Variants in POLG observed in about 807,000 individuals in gnomAD.
The protein encoded by POLG is DNA polymerase gamma, catalytic subunit.
In POLG, 110 loss-of-function variants were observed where a neutral mutation model predicts 155.4. The ratio of observed to expected loss-of-function variants is 0.71; its 90% confidence interval spans 0.61 to 0.83. The LOEUF (loss-of-function observed/expected upper bound fraction) is 0.83, where lower values mean the gene tolerates loss of function less well. Ranked by LOEUF, POLG falls within the 40% of genes least tolerant of loss-of-function variation. POLG has a pLI of 0.00. For synonymous variants in POLG, 701 were observed against 631.5 expected (o/e 1.11, Z -1.65); for missense variants, 1,685 against 1,627.5 (o/e 1.04, Z -0.61).
chr15:89,325,297 A>AGAGGGTGTGT (rs71149294), intron 10 of POLG, among the ~76,000 whole-genome samples, 153 bp downstream of exon 10: 1 of 59,936 alleles, frequency 1.7e-5, no homozygotes. Context: ...AGAGAGAGAG[A>AGAGGGTGTGT]GGGTGTGTGT....
At position 89,323,494 on chromosome 15, in the gene POLG, G is replaced by C; in HGVS notation, c.2175C>G (p.Pro725=). The C allele has an allele frequency of 6.2e-7, 1 of 1,612,122 alleles. No homozygotes were observed. The highest frequency in any genetic ancestry group is 8.5e-7 in the Non-Finnish European group (1 of 1,178,146). ...QPLALTARGG[P]KDTQPSYHHG... is the part of the protein sequence containing the mutation. ...GGTGATAGCTGGGCTGGGTGTCCTT[G>C]GGGCCACCACGGGCAGTCTGTGAGG... The change falls in exon 13 of 23, where the codon CCC becomes CCG. Residue 725 remains proline, a synonymous_variant. Transcript: ENST00000268124.
chr15:89,325,393 G>A, intron 10 of POLG, 57 bp downstream of exon 10: 2 of 1,258,392 alleles, frequency 1.6e-6, no homozygotes, highest in East Asian at 2.3e-5. Flanking sequence ...GAGCTGACCA[G>A]CCAGGGGAAG....
At position 89,322,882 on chromosome 15, in the gene POLG, C is replaced by G. The variant is rs1446759761; in HGVS notation, c.2286G>C (p.Val762=). 6.2e-7 allele frequency: 1 copy of G among 1,613,002 alleles called. No individual in the cohort carries two copies. Among genetic ancestry groups the G allele is most frequent in the Non-Finnish European group, 8.5e-7 (1 of 1,179,886 alleles). Residue 762 remains valine, a synonymous_variant, in exon 14 of 23, where the codon GTG becomes GTC. Coordinates refer to ENST00000268124, the MANE Select transcript of POLG (RefSeq NM_002693.3). ...GGAAGTCCTTGGCAAAGGGGCTTCC[C>G]ACATTACAGCTATTACCATCCTGGA... is the stretch of plus-strand genomic sequence containing the variant. ...LPHKDGNSCN[V]GSPFAKDFLP...
At chr15:89,327,597 T>C (rs1230375972) in intron 6 of POLG, among the ~76,000 whole-genome samples, 1 of 152,180 alleles carries the variant, frequency 6.6e-6, no homozygotes, top group East Asian at 1.9e-4. Context: ...GTGGGAAATA[T>C]AGATGGCAAA....
chr15:89,325,818 G>A (rs1270680036), intron 9 of POLG, 132 bp from the exon 10 acceptor site: 11 of 766,520 alleles, frequency 1.4e-5, no homozygotes, highest in Middle Eastern at 2.9e-4. Context: ...GCCTACAGCC[G>A]CCATCCCCTC....
chr15:89,324,225 G>T lies in POLG; in HGVS notation c.1952C>A (p.Ala651Asp), dbSNP rs1555453197. 6.2e-7 allele frequency: 1 copy of T among 1,612,366 alleles called. No homozygotes were observed. ...GTGCTTCCTGTACAGGGACTCGATG[G>T]CTCTGGGCAGAGAACAGTAGCAGCA... The part of the protein sequence containing the change: ...ESAGVVCPYR[A>D]IESLYRKHCL... The change falls in exon 11 of 23, where the codon GCC (alanine) becomes GAC (aspartate). Residue 651 changes from alanine (A) to aspartate (D), a missense_variant and splice_region_variant. Transcript: ENST00000268124.
At chr15:89,323,039 GCACGCGCGCACGCGCGCACGCACACACA>G in intron 13 of POLG, 137 bp from the exon 14 acceptor site, 1 of 663,330 alleles carries the variant, frequency 1.5e-6, no homozygotes, top group Non-Finnish European at 2.4e-6. Context: ...ATTGTATCAC[GCACGCGCGCACGCGCGCACGCACACACA>G]CACGTGCACA....
intron 13 of POLG, among the ~76,000 whole-genome samples, 171 bp from the exon 14 acceptor site, chr15:89,323,073 GCA>G (rs2055421122): frequency 1.3e-5 from 2 of 152,292 alleles, no homozygotes; most frequent in South Asian, 2.1e-4. Context: ...ACACACACGT[GCA>G]CACACATGCC....
At chr15:89,330,884 T>A (rs561368364) in intron 2 of POLG, among the ~76,000 whole-genome samples, 2 of 149,800 alleles carry the variant, frequency 1.3e-5, no homozygotes, top group Non-Finnish European at 3.0e-5. Flanking sequence ...AATGAGAAAA[T>A]GTATGTGTAT....
chr15:89,325,318 A>AT (rs1378958343), intron 10 of POLG, 132 bp downstream of exon 10: 39 of 656,250 alleles, frequency 5.9e-5, no homozygotes, highest in Non-Finnish European at 9.7e-5. Flanking sequence ...GTGTGTGTTA[A>AT]TTTTTTTCCT....
At position 89,324,094 on chromosome 15, in the gene POLG, A is replaced by G. The variant is rs778253752; in HGVS notation, c.2070+13T>C. 2 of 1,613,948 alleles carry G rather than the reference A, an allele frequency of 1.2e-6. No homozygotes were observed. The highest frequency in any genetic ancestry group is 2.2e-5 in the East Asian group (1 of 44,884). Reference sequence around the variant, plus strand: ...TCCCCTCCCCAAAGCTCAGGTTCAGAGCCTGCCCTCACCGTTTGCCATATG... The same window carrying G: ...TCCCCTCCCCAAAGCTCAGGTTCAGGGCCTGCCCTCACCGTTTGCCATATG... On this transcript the variant is annotated intron_variant, in intron 11 of 22. Coordinates refer to ENST00000268124, the MANE Select transcript of POLG (RefSeq NM_002693.3).
Position 89,323,724 on chromosome 15 carries a change from G to T in POLG, c.2157+91C>A, listed in dbSNP as rs1018107773. 2.7e-5 allele frequency: 30 copies of T among 1,113,298 alleles called. 1 individual carries two copies. The allele number at this position is 1,113,298 out of a possible 1,614,324, so 69.0% of individuals were successfully genotyped here. ...GCATCTCCAACCCCCTTAAGACCTA[G>T]GGAACTCTGGCTGGGAAGAACTAGG... On this transcript the variant is annotated intron_variant, in intron 12 of 22. Coordinates refer to ENST00000268124, the MANE Select transcript of POLG (RefSeq NM_002693.3).
chr15:89,327,371 C>A (rs1567191518), intron 6 of POLG, 22 bp from the exon 7 acceptor site: 2 of 1,611,080 alleles, frequency 1.2e-6, no homozygotes, highest in Non-Finnish European at 1.7e-6. Flanking sequence ...ACACCAGGAG[C>A]TGCCATAAAT....
chr15:89,325,180 G>A (rs1596356179), intron 10 of POLG, among the ~76,000 whole-genome samples: 1 of 89,986 alleles, frequency 1.1e-5, no homozygotes, highest in African/African-American at 4.8e-5. Flanking sequence ...GAGAGTGAGA[G>A]AGTGAGTGAG....
At chr15:89,325,149 A>G (rs1567189553) in intron 10 of POLG, among the ~76,000 whole-genome samples, 7 of 86,740 alleles carry the variant, frequency 8.1e-5, no homozygotes, top group African/African-American at 3.3e-4. Flanking sequence ...TGAGAGAGTG[A>G]GTGAGTGAGT....
Position 89,327,312 on chromosome 15 carries a change from T to C in POLG, c.1288A>G (p.Met430Val). 1 of 1,613,890 alleles carries C rather than the reference T, an allele frequency of 6.2e-7. No homozygotes were observed. The change falls in exon 7 of 23, where the codon ATG becomes GTG. Residue 430 changes from methionine (M) to valine (V), a missense_variant. Met to Val is a conservative substitution (Grantham distance 21). Around this residue, in one of 3 missense-constraint regions of POLG, gnomAD observed 1,210 missense variants for 1,167.1 expected, o/e 1.04. Coordinates refer to ENST00000268124, the MANE Select transcript of POLG (RefSeq NM_002693.3). ...HPVTLAGMLE[M>V]GVSYLPVNQN... ...TTGACAGGCAGGTAGGAGACACCCA[T>C]CTCCAGCATGCCGGCCAGAGTCACT...
chr15:89,323,319 C>A, intron 13 of POLG, 85 bp downstream of exon 13: 1 of 824,660 alleles, frequency 1.2e-6, no homozygotes, highest in Non-Finnish European at 2.1e-6. Flanking sequence ...AAAGGAAAGT[C>A]TCAGGTGTGT....
At chr15:89,321,305 T>C in intron 16 of POLG, 45 bp from the exon 17 acceptor site, 1 of 1,608,014 alleles carries the variant, frequency 6.2e-7, no homozygotes, top group Non-Finnish European at 8.5e-7. Flanking sequence ...TCCTACCCCA[T>C]TCCTGGAGCC....
Position 89,333,624 on chromosome 15 carries a change from T to TGCTGCCGCCGCC in POLG, c.119_130dup (p.Arg40_Gln43dup). On this transcript the variant is annotated inframe_insertion, in exon 2 of 23. Coordinates refer to ENST00000268124, the MANE Select transcript of POLG (RefSeq NM_002693.3). ...CTGCTGCTGCTGCTGCTGCTGCTGC[T>TGCTGCCGCCGCC]GCTGCCGCCGCCGCTGCCCGTCGCT... The TGCTGCCGCCGCC allele has an allele frequency of 6.3e-7, 1 of 1,590,332 alleles. No homozygotes were observed. Among genetic ancestry groups the TGCTGCCGCCGCC allele is most frequent in the Non-Finnish European group, 8.5e-7 (1 of 1,170,122 alleles).
Sources: gnomAD v4.1 joint callset for allele counts (sites outside exome capture counted in the v4.1 genomes callset) on GRCh38, gnomAD v4.1.1 for gene constraint, gnomAD v4.1.1 regional missense constraint, MANE v1.5 for transcripts, NCBI Gene and HGNC (gene_info 2026-07-23, HGNC 2026-07-21) for gene names.